The following HHIPL2 variants were observed in gnomAD, a reference collection of about 807,000 sequenced individuals.
HHIPL2 encodes HHIP like 2.
In HHIPL2, 61 loss-of-function variants were observed where a neutral mutation model predicts 61.0. The ratio of observed to expected loss-of-function variants is 1.00; its 90% CI spans 0.81 to 1.24. The LOEUF is 1.24. Among genes scored for constraint, HHIPL2 ranks in the 50% most tolerant of loss-of-function variants. The pLI, the probability that HHIPL2 is intolerant of heterozygous loss-of-function variation, is 0.00. For missense variants in HHIPL2, 885 were observed against 910.2 expected, an observed-to-expected ratio of 0.97 and a Z score of 0.36; for synonymous variants, 343 against 357.4, an observed-to-expected ratio of 0.96 and a Z score of 0.45.
chr1:222,529,037 G>T (rs1382413950), intron 6 of HHIPL2, among the ~76,000 whole-genome samples: 2 of 151,914 alleles, frequency 1.3e-5, no homozygotes, highest in African/African-American at 4.8e-5. Flanking sequence ...GCTCAGGCTG[G>T]TCTCAAACTC....
intron 1 of HHIPL2, among the ~76,000 whole-genome samples, chr1:222,546,047 A>T (rs185309975): frequency 2.8e-5 from 4 of 141,280 alleles, no homozygotes; most frequent in Non-Finnish European, 4.6e-5. Context: ...TCTGTCTCAA[A>T]AAATAAATAA....
chr1:222,540,098 GTC>G lies in HHIPL2; in HGVS notation c.1360_1361del (p.Asp454ProfsTer20). ...DVGQNRFEEVDLILKGGNYGW... is the reference protein window; with the variant it reads ...DVGQNRFEEVXLILKGGNYGW... ...CATAGTTTCCACCTTTCAAAATGAG[GTC>G]AACCTCTTCAAACCTGTTCTGGCCC... On this transcript the variant is annotated frameshift_variant, in exon 4 of 9. Coordinates refer to ENST00000343410, the MANE Select transcript of HHIPL2 (RefSeq NM_024746.4). LOFTEE classifies it high-confidence loss of function. 1 of 1,614,234 alleles carries G rather than the reference GTC, an allele frequency of 6.2e-7. No homozygotes were observed. The highest frequency in any genetic ancestry group is 8.5e-7 in the Non-Finnish European group (1 of 1,180,056).
intron 5 of HHIPL2, among the ~76,000 whole-genome samples, chr1:222,533,963 T>C (rs1659245680): frequency 6.6e-6 from 1 of 152,294 alleles, no homozygotes. Context: ...CAACAGCAGA[T>C]ACATGTGAGA....
chr1:222,536,505 C>G (rs1357687537), intron 5 of HHIPL2, among the ~76,000 whole-genome samples: 1 of 152,058 alleles, frequency 6.6e-6, no homozygotes, highest in African/African-American at 2.4e-5. Context: ...AATTAAAAGT[C>G]TTTTCACATA....
chr1:222,532,089 C>A lies in HHIPL2; in HGVS notation c.1600G>T (p.Asp534Tyr), dbSNP rs1659204531. ...MSGRLMALQE[D>Y]RKNKKWKKQD... ...TTCTTCCATTTCTTGTTTTTTCTAT[C>A]TTCCTGCAAAGCCATAAGTCGACTA... Residue 534 changes from aspartate (D) to tyrosine (Y), a missense_variant, in exon 6 of 9, where the codon GAT becomes TAT. Transcript: ENST00000343410. The A allele has an allele frequency of 1.2e-6, 2 of 1,613,656 alleles. No individual in the cohort carries two copies. The highest frequency in any genetic ancestry group is 3.3e-5 in the Admixed American group (2 of 59,966).
Position 222,540,127 on chromosome 1 carries a change from C to A in HHIPL2, c.1333G>T (p.Val445Leu). The A allele has an allele frequency of 6.2e-7, 1 of 1,614,270 alleles. No individual in the cohort carries two copies. Among genetic ancestry groups the A allele is most frequent in the Non-Finnish European group, 8.5e-7 (1 of 1,180,044 alleles). Residue 445 changes from valine to leucine, a missense_variant, in exon 4 of 9, where the codon GTG (valine) becomes TTG (leucine). Transcript: ENST00000343410. ...ACCTCTTCAAACCTGTTCTGGCCCA[C>A]GTCCCCACAGAATATCCGGCCTCGG... ...QGRGRIFCGD[V>L]GQNRFEEVDL...
intron 5 of HHIPL2, among the ~76,000 whole-genome samples, chr1:222,534,421 A>G (rs1000731301): frequency 6.6e-6 from 1 of 152,166 alleles, no homozygotes; most frequent in Non-Finnish European, 1.5e-5. Flanking sequence ...TACTAAAAAT[A>G]CAAAAATTAG....
intron 3 of HHIPL2, among the ~76,000 whole-genome samples, chr1:222,541,265 G>A (rs34151606): frequency 0.33 from 50,260 of 152,022 alleles, 8,725 homozygotes; most frequent in East Asian, 0.51. Context: ...AGTGCTTACT[G>A]GGTGCAAAGG....
rs1176647478 is a variant in HHIPL2, at chr1:222,522,763, A to C, written c.2013T>G (p.Ser671=). ...SEKGSSKKLA[S]PTSSKNTLRG... ...GCAATGTATTCTTGCTGCTTGTAGG[A>C]GAAGCCAGCTTCTTGGAGGAGCCTT... Residue 671 remains serine, a synonymous_variant, in exon 9 of 9, where the codon TCT becomes TCG. Coordinates refer to ENST00000343410, the MANE Select transcript of HHIPL2 (RefSeq NM_024746.4). 6.2e-7 allele frequency: 1 copy of C among 1,614,076 alleles called. No individual in the cohort carries two copies. The highest frequency in any genetic ancestry group is 1.1e-5 in the South Asian group (1 of 91,070).
At chr1:222,546,075 A>AAATAAATAAATAAAG (rs1659551036) in intron 1 of HHIPL2, among the ~76,000 whole-genome samples, 2 of 24,664 alleles carry the variant, frequency 8.1e-5, no homozygotes, top group Non-Finnish European at 1.9e-4. Context: ...AATAAATAAA[A>AAATAAATAAATAAAG]GTCCTATGTG....
intron 7 of HHIPL2, 127 bp downstream of exon 7, chr1:222,526,842 T>G: frequency 1.4e-6 from 1 of 693,396 alleles, no homozygotes; most frequent in Non-Finnish European, 2.5e-6. Context: ...ATGCCATTAT[T>G]TGTCCAAACT....
chr1:222,542,616 T>G (rs896005610), intron 2 of HHIPL2, among the ~76,000 whole-genome samples: 2 of 143,250 alleles, frequency 1.4e-5, no homozygotes, highest in African/African-American at 5.1e-5. Context: ...CTGCAACTTC[T>G]GCCTCCCAGG....
Position 222,548,003 on chromosome 1 carries a change from A to G in HHIPL2, c.42T>C (p.His14=). Residue 14 remains histidine, a synonymous_variant, in exon 1 of 9, where the codon CAT becomes CAC. Coordinates refer to ENST00000343410, the MANE Select transcript of HHIPL2 (RefSeq NM_024746.4). The part of the protein sequence containing the change: ...TSTPNLCGGL[H]CRAPWLSSGI... ...CAGAAGAGAGCCAGGGGGCCCGGCA[A>G]TGCAGACCACCACACAGATTAGGAG... 1 of 1,601,826 alleles carries G rather than the reference A, an allele frequency of 6.2e-7. No individual in the cohort carries two copies. The highest frequency in any genetic ancestry group is 8.5e-7 in the Non-Finnish European group (1 of 1,172,978).
chr1:222,535,109 A>G (rs1659274580), intron 5 of HHIPL2, among the ~76,000 whole-genome samples: 1 of 152,238 alleles, frequency 6.6e-6, no homozygotes, highest in African/African-American at 2.4e-5. Context: ...TTACATATGA[A>G]GGAACAAACA....
Position 222,522,478 on chromosome 1 carries a change from C to T in HHIPL2, c.*123G>A. The T allele has an allele frequency of 2.0e-6, 2 of 1,016,076 alleles. No individual in the cohort carries two copies. The highest frequency in any genetic ancestry group is 2.9e-6 in the Non-Finnish European group (2 of 691,454). 62.9% of individuals were successfully genotyped at this position (1,016,076 alleles called of 1,614,324 possible). ...GCAAGATTTCCCAGGGAGAGGAAAACCGCCCTGCCCCACCTCTACCCTGGC... is the reference window on the plus strand; with the variant it reads ...GCAAGATTTCCCAGGGAGAGGAAAATCGCCCTGCCCCACCTCTACCCTGGC... On this transcript the variant is annotated 3_prime_UTR_variant, in exon 9 of 9. Coordinates refer to ENST00000343410, the MANE Select transcript of HHIPL2 (RefSeq NM_024746.4).
intron 5 of HHIPL2, among the ~76,000 whole-genome samples, chr1:222,532,319 T>C (rs906176679): frequency 6.6e-6 from 1 of 152,102 alleles, no homozygotes; most frequent in Admixed American, 6.5e-5. Flanking sequence ...ATGTTCTATA[T>C]AAAAGGAGTT....
intron 6 of HHIPL2, among the ~76,000 whole-genome samples, chr1:222,529,903 C>T (rs916179016): frequency 1.3e-5 from 2 of 152,004 alleles, no homozygotes; most frequent in African/African-American, 4.8e-5. Context: ...AGCCAGTGGA[C>T]TGATAATAAA....
chr1:222,523,819 G>C (rs182161031), intron 7 of HHIPL2, 125 bp from the exon 8 acceptor site: 59 of 820,208 alleles, frequency 7.2e-5, no homozygotes, highest in Admixed American at 2.2e-4. Flanking sequence ...TGGGGATGGG[G>C]TAGATGTAAC....
chr1:222,531,876 T>G, intron 6 of HHIPL2, 90 bp downstream of exon 6: 1 of 1,174,766 alleles, frequency 8.5e-7, no homozygotes, highest in Non-Finnish European at 1.2e-6. Flanking sequence ...GTAGAAGTGA[T>G]AATTACTATT....
Sources: gnomAD v4.1 joint callset for allele counts (sites outside exome capture counted in the v4.1 genomes callset) on GRCh38, gnomAD v4.1.1 for gene constraint, MANE v1.5 for transcripts, NCBI Gene and HGNC (gene_info 2026-07-23, HGNC 2026-07-21) for gene names.